The following RPN1 variants were observed in gnomAD, a reference collection of about 807,000 sequenced individuals.
RPN1 encodes the protein dolichyl-diphosphooligosaccharide--protein glycosyltransferase subunit 1.
RPN1 carries 12 observed loss-of-function variants against 55.5 expected under a neutral mutation model. The observed-to-expected ratio is 0.22, with a 90% CI of 0.14 to 0.35. RPN1 has a LOEUF of 0.35. Ranked by LOEUF, RPN1 falls within the 10% of genes least tolerant of loss-of-function variation. RPN1 has a pLI of 1.00. For synonymous variants in RPN1, 317 were observed against 305.9 expected, an observed-to-expected ratio of 1.04 and a Z score of -0.38; for missense variants, 679 against 761.3, an observed-to-expected ratio of 0.89 and a Z score of 1.27.
intron 9 of RPN1, among the ~76,000 whole-genome samples, 165 bp downstream of exon 9, chr3:128,621,999 T>A (rs965294708): frequency 3.9e-5 from 6 of 152,214 alleles, no homozygotes; most frequent in Non-Finnish European, 8.8e-5. Flanking sequence ...CAAAAATCCC[T>A]TTTTCCTCCA....
intron 3 of RPN1, among the ~76,000 whole-genome samples, chr3:128,632,413 C>A (rs1296169198): frequency 1.3e-5 from 2 of 152,120 alleles, no homozygotes; most frequent in African/African-American, 2.4e-5. Context: ...TTGTATTAGG[C>A]AGTTTTGTAA....
chr3:128,645,879 C>T (rs189738769), intron 1 of RPN1, among the ~76,000 whole-genome samples: 1 of 152,216 alleles, frequency 6.6e-6, no homozygotes, highest in African/African-American at 2.4e-5. Flanking sequence ...TTCCCAAAGG[C>T]CTCTTTCTTG....
chr3:128,638,062 C>T lies in RPN1; in HGVS notation c.370G>A (p.Gly124Arg). Residue 124 changes from glycine (G) to arginine (R), a missense_variant, in exon 3 of 10, where the codon GGG becomes AGG. Physicochemically the swap from Gly to Arg is moderately radical, Grantham distance 125 (BLOSUM62 -2). This residue lies in a region of RPN1 where 352 missense variants were observed against 352.8 expected (regional missense o/e 1.00). Transcript: ENST00000296255. ...TCCACAATGACTGAAATCTTGGCCC[C>T]AGGATCAAGAGCAACTGGGAGCTTG... ...TVKLPVALDP[G>R]AKISVIVETV... 4 of 1,614,052 alleles carry T rather than the reference C, an allele frequency of 2.5e-6. No individual in the cohort carries two copies. The highest frequency in any genetic ancestry group is 3.4e-6 in the Non-Finnish European group (4 of 1,179,928).
chr3:128,636,617 A>G (rs2069683897), intron 3 of RPN1, among the ~76,000 whole-genome samples: 1 of 152,160 alleles, frequency 6.6e-6, no homozygotes, highest in African/African-American at 2.4e-5. Flanking sequence ...GGGGTGGTGC[A>G]ATCATAGCTA....
chr3:128,636,894 G>C (rs1473649915), intron 3 of RPN1, among the ~76,000 whole-genome samples: 1 of 152,136 alleles, frequency 6.6e-6, no homozygotes, highest in Non-Finnish European at 1.5e-5. Flanking sequence ...TTTAGAGATG[G>C]TATAGAAGTA....
chr3:128,641,119 T>C (rs2069721564), intron 2 of RPN1: 1 of 151,434 alleles, frequency 6.6e-6, no homozygotes, highest in African/African-American at 2.4e-5. Flanking sequence ...TTCCTAAAGC[T>C]CTTCTCTAGC....
rs367651108 is a variant in RPN1, at chr3:128,620,015, T to TAA, written c.*394_*395dup. 0.21 allele frequency: 36,911 copies of TAA among 176,986 alleles called. 3,505 individuals are homozygous for TAA. Among genetic ancestry groups the TAA allele is most frequent in the East Asian group, 0.29 (3,347 of 11,524 alleles). The allele number at this position is 176,986 out of a possible 1,614,324, so 11.0% of individuals were successfully genotyped here. ...TATTTCCATTTGTTCACACACGCTT[T>TAA]AAAAAAAAAAAAAAAAACACATGCA... is the stretch of plus-strand genomic sequence containing the variant. On this transcript the variant is annotated 3_prime_UTR_variant, in exon 10 of 10. Coordinates refer to ENST00000296255, the MANE Select transcript of RPN1 (RefSeq NM_002950.4).
chr3:128,633,625 T>C (rs1158814263), intron 3 of RPN1, among the ~76,000 whole-genome samples: 2 of 152,134 alleles, frequency 1.3e-5, no homozygotes, highest in South Asian at 2.1e-4. Flanking sequence ...ATGTATATTA[T>C]AATATTAAAT....
chr3:128,648,699 A>G (rs1364841584), intron 1 of RPN1, among the ~76,000 whole-genome samples: 1 of 152,252 alleles, frequency 6.6e-6, no homozygotes, highest in Non-Finnish European at 1.5e-5. Flanking sequence ...AGGAGTACAA[A>G]ATAGCACATA....
chr3:128,630,106 C>T lies in RPN1; in HGVS notation c.881G>A (p.Arg294Gln), dbSNP rs770212823. Residue 294 changes from arginine to glutamine, a missense_variant, in exon 5 of 10, where the codon CGG becomes CAG. Physicochemically the swap from Arg to Gln is conservative, Grantham distance 43 (BLOSUM62 1). Coordinates refer to ENST00000296255, the MANE Select transcript of RPN1 (RefSeq NM_002950.4). ...GGTAGAAACATTGCCAATCTCATCC[C>T]GGTAATAAACATCCTGGGCAGCAGC... The part of the protein sequence containing the change: ...LPAAAQDVYY[R>Q]DEIGNVSTSH... The T allele has an allele frequency of 6.8e-6, 11 of 1,613,406 alleles. No individual in the cohort carries two copies. Among genetic ancestry groups the T allele is most frequent in the African/African-American group, 2.7e-5 (2 of 74,886 alleles).
intron 2 of RPN1, among the ~76,000 whole-genome samples, chr3:128,639,704 G>T (rs144937455): frequency 0.011 from 1,696 of 151,728 alleles, 26 homozygotes; most frequent in African/African-American, 0.039. Context: ...TCTCCTACCT[G>T]AGCCTCCCCA....
At position 128,636,988 on chromosome 3, in the gene RPN1, G is replaced by A. The variant is rs549192815; in HGVS notation, c.633+811C>T. Among the ~76,000 whole-genome samples the A allele has an allele frequency of 1.2e-4, 18 of 152,310 alleles. No homozygotes were observed. The South Asian group carries it at 3.1e-3, about 26-fold the overall frequency. On this transcript the variant is annotated intron_variant, in intron 3 of 9. Transcript: ENST00000296255. Reference sequence around the variant, plus strand: ...ACCATGGCTCATGCCTGTAATCCCAGCACTTTGGGAGACAAAGGCAGGAAG... The same window carrying A: ...ACCATGGCTCATGCCTGTAATCCCAACACTTTGGGAGACAAAGGCAGGAAG...
Position 128,627,247 on chromosome 3 carries a change from C to T in RPN1, c.1037-415G>A, listed in dbSNP as rs1020067646. Reference sequence around the variant, plus strand: ...GTGAAACGGGCCTGCAGAAGGTCTACGAGTCTGCAGCAGTCTAGTCCCTGA... The same window carrying T: ...GTGAAACGGGCCTGCAGAAGGTCTATGAGTCTGCAGCAGTCTAGTCCCTGA... On this transcript the variant is annotated intron_variant, in intron 5 of 9. Coordinates refer to ENST00000296255, the MANE Select transcript of RPN1 (RefSeq NM_002950.4). 2.4e-5 allele frequency: 5 copies of T among 211,994 alleles called. No individual in the cohort carries two copies. The South Asian group carries it at 2.5e-4, about 10-fold the overall frequency. 13.1% of individuals were successfully genotyped at this position (211,994 alleles called of 1,614,324 possible). A position where few individuals can be genotyped will look rare whatever the true frequency, so the allele number is the denominator to read the frequency against.
chr3:128,621,578 G>A (rs753190946), intron 9 of RPN1, among the ~76,000 whole-genome samples: 2 of 152,196 alleles, frequency 1.3e-5, no homozygotes, highest in Non-Finnish European at 2.9e-5. Context: ...GTGGACAGGG[G>A]AGTCAGTGAC....
At position 128,648,231 on chromosome 3, in the gene RPN1, A is replaced by C. The variant is rs976658824; in HGVS notation, c.261+2309T>G. Among the ~76,000 whole-genome samples the C allele has an allele frequency of 4.6e-5, 7 of 152,010 alleles. No individual in the cohort carries two copies. The South Asian group carries it at 1.5e-3, about 32-fold the overall frequency. ...ACATGCGTGAAACCCTGTCTCTACAAAAAAAATACAACAATTAGCTGGGCG... is the reference window on the plus strand; with the variant it reads ...ACATGCGTGAAACCCTGTCTCTACACAAAAAATACAACAATTAGCTGGGCG... On this transcript the variant is annotated intron_variant, in intron 1 of 9. Transcript: ENST00000296255.
chr3:128,626,906 G>A, intron 5 of RPN1, 74 bp from the exon 6 acceptor site: 2 of 1,366,202 alleles, frequency 1.5e-6, no homozygotes, highest in South Asian at 2.3e-5. Flanking sequence ...AAGTACAGGG[G>A]CTCACATAAA....
intron 1 of RPN1, among the ~76,000 whole-genome samples, chr3:128,649,996 C>A (rs1160452868): frequency 6.6e-6 from 1 of 152,224 alleles, no homozygotes; most frequent in Non-Finnish European, 1.5e-5. Context: ...TTCTCTATGT[C>A]TAGAAAGAAG....
intron 4 of RPN1, among the ~76,000 whole-genome samples, chr3:128,631,159 G>A (rs1179202257): frequency 2.0e-5 from 3 of 149,734 alleles, no homozygotes; most frequent in African/African-American, 4.9e-5. Flanking sequence ...GGTGGCTCAC[G>A]CCTGTAATCC....
intron 4 of RPN1, among the ~76,000 whole-genome samples, chr3:128,631,423 A>C (rs2069640970): frequency 6.6e-6 from 1 of 151,454 alleles, no homozygotes; most frequent in Admixed American, 6.6e-5. Context: ...GGTTGTGGCG[A>C]GCCGAGATCG....
Sources: allele counts gnomAD v4.1 joint callset (sites outside exome capture counted in the v4.1 genomes callset), GRCh38; gene constraint gnomAD v4.1.1; regional missense constraint gnomAD v4.1.1; transcripts MANE v1.5; gene names NCBI Gene and HGNC (gene_info 2026-07-23, HGNC 2026-07-21).